PTPRT: variants seen among roughly 807,000 people sequenced by gnomAD.
PTPRT encodes receptor-type tyrosine-protein phosphatase T.
Under a neutral mutation model 176.8 loss-of-function variants are expected in PTPRT, and 56 were observed. The observed-to-expected ratio is 0.32, with a 90% CI of 0.26 to 0.40. PTPRT has a LOEUF of 0.40. Ranked by LOEUF, PTPRT falls within the 10% of genes least tolerant of loss-of-function variation. The pLI is 1.00. For missense variants in PTPRT, 1,540 were observed against 1,908.2 expected, an observed-to-expected ratio of 0.81 and a Z score of 3.60; for synonymous variants, 783 against 739.0, an observed-to-expected ratio of 1.06 and a Z score of -0.96.
chr20:42,734,342 C>A (rs1477486881), intron 6 of PTPRT, among the ~76,000 whole-genome samples: 1 of 152,176 alleles, frequency 6.6e-6, no homozygotes, highest in Non-Finnish European at 1.5e-5. Context: ...ACTCTTAGCC[C>A]TTCCAATCAC....
intron 9 of PTPRT, among the ~76,000 whole-genome samples, chr20:42,409,481 CAAAAAAAA>C (rs58932390): frequency 0.013 from 1,395 of 109,786 alleles, 1 homozygote; most frequent in East Asian, 0.025. Context: ...GACTCTGTCG[CAAAAAAAA>C]AAAAAAAAAA....
chr20:42,177,803 C>G (rs892947486), intron 16 of PTPRT, among the ~76,000 whole-genome samples: 1 of 152,030 alleles, frequency 6.6e-6, no homozygotes, highest in Non-Finnish European at 1.5e-5. Context: ...TTATTGGGAA[C>G]ATGGTAAAGA....
intron 11 of PTPRT, among the ~76,000 whole-genome samples, chr20:42,319,262 C>CTTT (rs11483379): frequency 2.1e-5 from 3 of 142,666 alleles, no homozygotes; most frequent in Admixed American, 1.4e-4. Context: ...AGTATCCTTC[C>CTTT]TTTTTTTTTT....
intron 6 of PTPRT, among the ~76,000 whole-genome samples, chr20:42,708,140 C>T (rs1569101055): frequency 6.6e-6 from 1 of 152,134 alleles, no homozygotes; most frequent in Admixed American, 6.5e-5. Flanking sequence ...GTACTCTCTT[C>T]TGATGGTATC....
At chr20:42,147,680 C>T (rs868705333) in intron 17 of PTPRT, among the ~76,000 whole-genome samples, 3 of 152,168 alleles carry the variant, frequency 2.0e-5, no homozygotes, top group Non-Finnish European at 2.9e-5. Context: ...AATCCTAAAC[C>T]GAACAAAACA....
chr20:42,409,755 C>T, intron 9 of PTPRT, among the ~76,000 whole-genome samples: 1 of 152,172 alleles, frequency 6.6e-6, no homozygotes, highest in Non-Finnish European at 1.5e-5. Context: ...GGGCCAAATT[C>T]AACCTTTGCT....
rs533180706 is a variant in PTPRT, at chr20:42,690,090, C to A, written c.860-11931G>T. ...AAGGAAAAGGAGAGTCTAACAGGCA[C>A]AAGGGTGGGGTTATTCACAAAGACA... On this transcript the variant is annotated intron_variant, in intron 6 of 30. Transcript: ENST00000373187. Among the ~76,000 whole-genome samples the A allele has an allele frequency of 6.6e-5, 10 of 151,954 alleles. No individual in the cohort carries two copies. In the East Asian group the frequency reaches 1.9e-3, roughly 29 times the overall value.
chr20:42,480,565 T>C (rs530053998), intron 7 of PTPRT, among the ~76,000 whole-genome samples: 3 of 152,304 alleles, frequency 2.0e-5, no homozygotes, highest in African/African-American at 7.2e-5. Flanking sequence ...TGTAGGTGAA[T>C]GGGACACTTG....
At chr20:42,580,078 C>G (rs1307016335) in intron 7 of PTPRT, among the ~76,000 whole-genome samples, 3 of 152,076 alleles carry the variant, frequency 2.0e-5, no homozygotes, top group African/African-American at 7.2e-5. Context: ...ATTAATTTTT[C>G]TATTAGGTGT....
intron 1 of PTPRT, among the ~76,000 whole-genome samples, chr20:43,032,950 T>C (rs1986208321): frequency 6.6e-6 from 1 of 152,184 alleles, no homozygotes; most frequent in Admixed American, 6.5e-5. Flanking sequence ...CAAATTTCCA[T>C]CTATAAAATT....
In PTPRT at chr20:42,138,652, C is replaced by A. The variant is rs75509365; in HGVS notation, c.2770+3263G>T. On this transcript the variant is annotated intron_variant, in intron 18 of 30. Transcript: ENST00000373187. The stretch of plus-strand genomic sequence containing the variant: ...AGAATGCTTTGGGATTCTTGAATTT[C>A]CCCTTGCCAACAGTCGCTGCCCTAG... Among the ~76,000 whole-genome samples the A allele has an allele frequency of 9.3e-3, 1,411 of 152,266 alleles. 22 individuals are homozygous for A. Among genetic ancestry groups the A allele is most frequent in the African/African-American group, 0.031 (1,307 of 41,550 alleles).
chr20:42,530,793 A>C (rs187510765), intron 7 of PTPRT, among the ~76,000 whole-genome samples: 1 of 152,300 alleles, frequency 6.6e-6, no homozygotes, highest in African/African-American at 2.4e-5. Context: ...TTGTGCATCC[A>C]GGAGCCCTAC....
intron 13 of PTPRT, among the ~76,000 whole-genome samples, chr20:42,254,296 T>G (rs1170086424): frequency 6.6e-6 from 1 of 152,180 alleles, no homozygotes; most frequent in African/African-American, 2.4e-5. Context: ...ACTCAAAAAG[T>G]GGTCCATCGA....
intron 11 of PTPRT, among the ~76,000 whole-genome samples, chr20:42,319,867 C>T (rs554304259): frequency 6.6e-6 from 1 of 152,200 alleles, no homozygotes; most frequent in African/African-American, 2.4e-5. Flanking sequence ...GGTCATATCT[C>T]CAGCTCAAAA....
chr20:42,753,630 T>C (rs2076793243), intron 6 of PTPRT, among the ~76,000 whole-genome samples: 1 of 152,094 alleles, frequency 6.6e-6, no homozygotes. Context: ...AGAGCAGTGG[T>C]AGCTGCGGAG....
intron 1 of PTPRT, among the ~76,000 whole-genome samples, chr20:43,164,887 C>T (rs79315342): frequency 0.031 from 4,687 of 152,286 alleles, 101 homozygotes; most frequent in Non-Finnish European, 0.05. Flanking sequence ...ACAGGCCATA[C>T]AAAAACAGGC....
At chr20:42,470,986 T>C (rs1325107881) in intron 8 of PTPRT, among the ~76,000 whole-genome samples, 1 of 152,000 alleles carries the variant, frequency 6.6e-6, no homozygotes, top group Admixed American at 6.6e-5. Flanking sequence ...GGTCTCTATC[T>C]TGAGTTACTA....
rs71193679 is a variant in PTPRT at position 43,180,341 on chromosome 20, A to ATC, written c.88+9303_88+9304dup. 8.6e-3 allele frequency among the ~76,000 whole-genome samples: 995 copies of ATC among 115,062 alleles called. 20 individuals carry two copies. The highest frequency in any genetic ancestry group is 0.029 in the Middle Eastern group (6 of 208). The allele number at this position is 115,062 out of a possible 152,430, so 75.5% of individuals were successfully genotyped here. A position where few individuals can be genotyped will look rare whatever the true frequency, so the allele number is the denominator to read the frequency against. On this transcript the variant is annotated intron_variant, in intron 1 of 30. Transcript: ENST00000373187. Reference sequence around the variant, plus strand: ...GCCAATTCCTATAAGAAATGAATCAATCTCTCTCTCTCTCTCTCTCTCTCT... The same window carrying ATC: ...GCCAATTCCTATAAGAAATGAATCAATCTCTCTCTCTCTCTCTCTCTCTCTCT...
At chr20:42,496,869 C>A (rs907120510) in intron 7 of PTPRT, among the ~76,000 whole-genome samples, 2 of 152,042 alleles carry the variant, frequency 1.3e-5, no homozygotes, top group African/African-American at 2.4e-5. Context: ...CAATGCATTC[C>A]ATAGAATACA....
Sources: gnomAD v4.1 joint callset for allele counts (sites outside exome capture counted in the v4.1 genomes callset) on GRCh38, gnomAD v4.1.1 for gene constraint, MANE v1.5 for transcripts, NCBI Gene and HGNC (gene_info 2026-07-23, HGNC 2026-07-21) for gene names.